MYO1G: variants seen among roughly 807,000 people sequenced by gnomAD.
MYO1G encodes unconventional myosin-Ig.
A neutral mutation model predicts 115.3 loss-of-function variants in MYO1G; 65 were observed. That is an observed-to-expected ratio of 0.56 (90% CI 0.46 to 0.69). MYO1G has a LOEUF of 0.69. Among genes scored for constraint, MYO1G ranks in the 30% least tolerant of loss-of-function variants. The pLI is 0.00. For synonymous variants in MYO1G, 510 were observed against 552.6 expected (o/e 0.92, Z 1.08); for missense variants, 1,204 against 1,393.5 (o/e 0.86, Z 2.16).
chr7:44,976,928 G>A lies in MYO1G; in HGVS notation c.239C>T (p.Ala80Val). Residue 80 changes from alanine (A) to valine (V), a missense_variant, in exon 2 of 22, where the codon GCT becomes GTT. Ala to Val is a moderately conservative substitution (Grantham distance 64). Transcript: ENST00000258787. Reference protein sequence around the residue: ...ELYERPPHLYAVANAAYKAMK... With the variant: ...ELYERPPHLYVVANAAYKAMK... The stretch of plus-strand genomic sequence containing the variant: ...TGCCTTGTAGGCGGCGTTGGCCACA[G>A]CATAGAGATGGGGTGGCCGCTCATA... 6.2e-7 allele frequency: 1 copy of A among 1,613,622 alleles called. No homozygotes were observed. Among genetic ancestry groups the A allele is most frequent in the African/African-American group, 1.3e-5 (1 of 75,078 alleles).
In MYO1G at chr7:44,969,364, C is replaced by T. The variant is rs3735483; in HGVS notation, c.1574+49G>A. 39,234 of 1,593,050 alleles carry T rather than the reference C, an allele frequency of 0.025. 4,858 individuals are homozygous for T. The East Asian group carries it at 0.41, about 17-fold the overall frequency. On this transcript the variant is annotated intron_variant, in intron 12 of 21. Coordinates refer to ENST00000258787, the MANE Select transcript of MYO1G (RefSeq NM_033054.3). This position sits in a 1 kb window ranked among gnomAD's most constrained non-coding sequence, Gnocchi z 5.0. ...AGCGCTCCTGCCCCATGACACATGC[C>T]ATGGTGCCTGTGGGAAAGCCAGGGA...
In MYO1G at chr7:44,964,448, G is replaced by C. The variant is rs757339463; in HGVS notation, c.2598C>G (p.Phe866Leu). 6.2e-7 allele frequency: 1 copy of C among 1,613,784 alleles called. No homozygotes were observed. The highest frequency in any genetic ancestry group is 8.5e-7 in the Non-Finnish European group (1 of 1,179,790). The part of the protein sequence containing the change: ...RLKTLQDKDG[F>L]GAVLFSSHVR... ...CATGGCTTGAAAAGAGCACAGCCCC[G>C]AAGCCATCTTTGTCCTGAAGTGTCT... Residue 866 changes from phenylalanine to leucine, a missense_variant, in exon 19 of 22, where the codon TTC becomes TTG. Transcript: ENST00000258787. This position sits in a 1 kb window ranked among gnomAD's most constrained non-coding sequence, Gnocchi z 5.1.
At position 44,969,347 on chromosome 7, in the gene MYO1G, T is replaced by C; in HGVS notation, c.1574+66A>G. On this transcript the variant is annotated intron_variant, in intron 12 of 21. Transcript: ENST00000258787. The surrounding 1 kb of genome is among the most constrained non-coding windows in gnomAD (Gnocchi z 5.0). ...CCGAGCCACTCCCCTGAAGCGCTCC[T>C]GCCCCATGACACATGCCATGGTGCC... 1 of 1,553,136 alleles carries C rather than the reference T, an allele frequency of 6.4e-7. No homozygotes were observed. Among genetic ancestry groups the C allele is most frequent in the South Asian group, 1.1e-5 (1 of 89,906 alleles).
chr7:44,972,941 TAG>T (rs1397509614), intron 5 of MYO1G: 3 of 150,064 alleles, frequency 2.0e-5, no homozygotes, highest in Non-Finnish European at 4.4e-5. Context: ...AGTGGGAGCT[TAG>T]AGTCTGTGGA....
At position 44,963,352 on chromosome 7, in the gene MYO1G, G is replaced by A; in HGVS notation, c.2746-228C>T. Reference sequence around the variant, plus strand: ...CAATACGATTTTCTCCAGGACTGATGGTTCTAGATCCTTGCTGTCCAACAG... The same window carrying A: ...CAATACGATTTTCTCCAGGACTGATAGTTCTAGATCCTTGCTGTCCAACAG... On this transcript the variant is annotated intron_variant, in intron 20 of 21. Transcript: ENST00000258787. This position sits in a 1 kb window ranked among gnomAD's most constrained non-coding sequence, Gnocchi z 4.1. 1 of 528,306 alleles carries A rather than the reference G, an allele frequency of 1.9e-6. No homozygotes were observed. The allele number at this position is 528,306 out of a possible 1,614,324, so 32.7% of individuals were successfully genotyped here.
At chr7:44,971,870 C>T in intron 6 of MYO1G, 81 bp from the exon 7 acceptor site, 1 of 1,081,046 alleles carries the variant, frequency 9.3e-7, no homozygotes, top group Non-Finnish European at 1.4e-6. Context: ...TTCCTCCATC[C>T]TAGGCACCTG....
chr7:44,963,205 C>CT lies in MYO1G; in HGVS notation c.2746-82dup. 1 of 1,373,304 alleles carries CT rather than the reference C, an allele frequency of 7.3e-7. No individual in the cohort carries two copies. 85.1% of individuals were successfully genotyped at this position (1,373,304 alleles called of 1,614,324 possible). On this transcript the variant is annotated intron_variant, in intron 20 of 21. Transcript: ENST00000258787. The surrounding 1 kb of genome is among the most constrained non-coding windows in gnomAD (Gnocchi z 4.1). ...CGGACTCACCCCCTCCCCAGGAAGCCTCTGCCGAACCCCCAACCGCACCCG... is the reference window on the plus strand; with the variant it reads ...CGGACTCACCCCCTCCCCAGGAAGCCTTCTGCCGAACCCCCAACCGCACCCG...
At chr7:44,977,980 G>A (rs1171830398) in intron 1 of MYO1G, among the ~76,000 whole-genome samples, 2 of 152,148 alleles carry the variant, frequency 1.3e-5, no homozygotes, top group Non-Finnish European at 2.9e-5. Flanking sequence ...AAATAGAGAG[G>A]ACAATGTTTC....
chr7:44,967,779 C>A, intron 13 of MYO1G, 42 bp from the exon 14 acceptor site: 2 of 1,611,866 alleles, frequency 1.2e-6, no homozygotes, highest in African/African-American at 2.7e-5. Context: ...TCTGGGAGAG[C>A]AGCCCCACCC....
In MYO1G at chr7:44,975,167, G is replaced by A. The variant is rs370451943; in HGVS notation, c.618+7C>T. The A allele has an allele frequency of 1.9e-6, 3 of 1,613,884 alleles. No individual in the cohort carries two copies. Among genetic ancestry groups the A allele is most frequent in the Non-Finnish European group, 2.5e-6 (3 of 1,179,972 alleles). On this transcript the variant is annotated splice_region_variant and intron_variant, in intron 5 of 21. Transcript: ENST00000258787. The stretch of plus-strand genomic sequence containing the variant: ...TTTTTCCACCTCCCCTTGCCCTCAG[G>A]GCTTACTTGGTAGAAGGCGTGGAAG...
chr7:44,966,269 G>C lies in MYO1G; in HGVS notation c.1961C>G (p.Thr654Ser). Residue 654 changes from threonine to serine, a missense_variant, in exon 16 of 22, where the codon ACC becomes AGC. Thr to Ser is a moderately conservative substitution (Grantham distance 58, BLOSUM62 1). Transcript: ENST00000258787. The surrounding 1 kb of genome is among the most constrained non-coding windows in gnomAD (Gnocchi z 5.0). ...GTGGTTGGGCCATGTGTATTCACAG[G>C]TCATCTTGTACCTGTCACCACAGGA... ...YSRFLLRYKMTCEYTWPNHLL... is the reference protein window; with the variant it reads ...YSRFLLRYKMSCEYTWPNHLL... 3 of 1,607,046 alleles carry C rather than the reference G, an allele frequency of 1.9e-6. No homozygotes were observed. Among genetic ancestry groups the C allele is most frequent in the Non-Finnish European group, 2.5e-6 (3 of 1,177,308 alleles).
Position 44,963,219 on chromosome 7 carries a change from C to T in MYO1G, c.2746-95G>A. ...CCCCAGGAAGCCTCTGCCGAACCCC[C>T]AACCGCACCCGGGGAGCGCCGCCCT... On this transcript the variant is annotated intron_variant, in intron 20 of 21. Coordinates refer to ENST00000258787, the MANE Select transcript of MYO1G (RefSeq NM_033054.3). This position sits in a 1 kb window ranked among gnomAD's most constrained non-coding sequence, Gnocchi z 4.1. The T allele has an allele frequency of 1.5e-6, 2 of 1,358,260 alleles. No individual in the cohort carries two copies. Among genetic ancestry groups the T allele is most frequent in the African/African-American group, 1.5e-5 (1 of 64,838 alleles). 84.1% of individuals were successfully genotyped at this position (1,358,260 alleles called of 1,614,324 possible). A position where few individuals can be genotyped will look rare whatever the true frequency, so the allele number is the denominator to read the frequency against.
At position 44,964,054 on chromosome 7, in the gene MYO1G, C is replaced by T; in HGVS notation, c.2740G>A (p.Glu914Lys). ...QYRVMRAVPL[E>K]AVTGLSVTSG... is the part of the protein sequence containing the mutation. ...TCCCCACCCACATTGCTCACCGCCT[C>T]AAGGGGCACGGCCCGCATCACCCGG... Residue 914 changes from glutamate to lysine, a missense_variant, in exon 20 of 22, where the codon GAG becomes AAG. Glu to Lys is a moderately conservative substitution (Grantham distance 56, BLOSUM62 1). Coordinates refer to ENST00000258787, the MANE Select transcript of MYO1G (RefSeq NM_033054.3). This position sits in a 1 kb window ranked among gnomAD's most constrained non-coding sequence, Gnocchi z 5.1. 6.3e-7 allele frequency: 1 copy of T among 1,588,092 alleles called. No homozygotes were observed. The highest frequency in any genetic ancestry group is 8.6e-7 in the Non-Finnish European group (1 of 1,167,002).
chr7:44,964,132 C>T lies in MYO1G; in HGVS notation c.2662G>A (p.Ala888Thr). The T allele has an allele frequency of 1.9e-6, 3 of 1,602,720 alleles. No homozygotes were observed. The highest frequency in any genetic ancestry group is 2.6e-6 in the Non-Finnish European group (3 of 1,174,736). The change falls in exon 20 of 22, where the codon GCC (alanine) becomes ACC (threonine). Residue 888 changes from alanine (A) to threonine (T), a missense_variant. By Grantham distance (58) the Ala-to-Thr change is moderately conservative (BLOSUM62 0). Transcript: ENST00000258787. The surrounding 1 kb of genome is among the most constrained non-coding windows in gnomAD (Gnocchi z 5.1). ...AGGTGCTGGTCTGTGAGCAGGAGGGCCCGGTTCCGGATCTTGTGGAAGCGG... is the reference window on the plus strand; with the variant it reads ...AGGTGCTGGTCTGTGAGCAGGAGGGTCCGGTTCCGGATCTTGTGGAAGCGG... ...VNRFHKIRNR[A>T]LLLTDQHLYK...
At chr7:44,975,683 A>C (rs1455396220) in intron 3 of MYO1G, 34 bp from the exon 4 acceptor site, 1 of 1,547,408 alleles carries the variant, frequency 6.5e-7, no homozygotes, top group African/African-American at 1.4e-5. Flanking sequence ...CTTAAGGCAA[A>C]GACTTCCCAT....
At chr7:44,974,258 G>A (rs747499451) in intron 5 of MYO1G, 3 of 151,906 alleles carry the variant, frequency 2.0e-5, no homozygotes, top group African/African-American at 4.8e-5. Flanking sequence ...CCACCTCAGC[G>A]GGCGGTTCAT....
In MYO1G at chr7:44,971,681, A is replaced by G; in HGVS notation, c.838T>C (p.Leu280=). 1.3e-6 allele frequency: 2 copies of G among 1,558,704 alleles called. No individual in the cohort carries two copies. Among genetic ancestry groups the G allele is most frequent in the Non-Finnish European group, 1.7e-6 (2 of 1,150,720 alleles). The part of the protein sequence containing the change: ...ESVHRILAAI[L]HLGNIEFVET... ...TTCTGAGCCAGGCTCACCAGGTGCA[A>G]TATGGCAGCCAGGATGCGATGCACA... Residue 280 remains leucine, a synonymous_variant, in exon 7 of 22, where the codon TTG becomes CTG. Coordinates refer to ENST00000258787, the MANE Select transcript of MYO1G (RefSeq NM_033054.3).
Position 44,964,108 on chromosome 7 carries a change from G to A in MYO1G, c.2686C>T (p.Leu896Phe). 6.2e-7 allele frequency: 1 copy of A among 1,607,500 alleles called. No individual in the cohort carries two copies. Among genetic ancestry groups the A allele is most frequent in the South Asian group, 1.1e-5 (1 of 89,578 alleles). The change falls in exon 20 of 22, where the codon CTC becomes TTC. Residue 896 changes from leucine (L) to phenylalanine (F), a missense_variant. Transcript: ENST00000258787. The surrounding 1 kb of genome is among the most constrained non-coding windows in gnomAD (Gnocchi z 5.1). Reference protein sequence around the residue: ...NRALLLTDQHLYKLDPDRQYR... With the variant: ...NRALLLTDQHFYKLDPDRQYR... ...TGCCGGTCAGGGTCCAGCTTGTAGA[G>A]GTGCTGGTCTGTGAGCAGGAGGGCC...
Position 44,964,818 on chromosome 7 carries a change from G to T in MYO1G, c.2526+127C>A. The T allele has an allele frequency of 7.2e-7, 1 of 1,379,958 alleles. No individual in the cohort carries two copies. The highest frequency in any genetic ancestry group is 9.9e-7 in the Non-Finnish European group (1 of 1,012,294). The allele number at this position is 1,379,958 out of a possible 1,614,324, so 85.5% of individuals were successfully genotyped here. ...AGCTCTGGTGGGGGCTGAGGTACAG[G>T]GCCACCAGGACAGACAACCCCAGGC... On this transcript the variant is annotated intron_variant, in intron 18 of 21. Coordinates refer to ENST00000258787, the MANE Select transcript of MYO1G (RefSeq NM_033054.3). This position sits in a 1 kb window ranked among gnomAD's most constrained non-coding sequence, Gnocchi z 5.1.
Sources: allele counts gnomAD v4.1 joint callset (sites outside exome capture counted in the v4.1 genomes callset), GRCh38; gene constraint gnomAD v4.1.1; non-coding constraint Gnocchi (gnomAD v3.1); transcripts MANE v1.5; gene names NCBI Gene and HGNC (gene_info 2026-07-23, HGNC 2026-07-21).